Variants in FILIP1L observed in about 807,000 individuals in gnomAD.
FILIP1L encodes filamin A-interacting protein 1-like.
FILIP1L carries 55 observed loss-of-function variants against 96.6 expected under a neutral mutation model. That is an observed-to-expected ratio of 0.57 (90% confidence interval 0.46 to 0.71). The LOEUF (loss-of-function observed/expected upper bound fraction) is 0.71, where lower values mean the gene tolerates loss of function less well. FILIP1L is among the 30% of genes least tolerant of loss of function. FILIP1L has a pLI of 0.00. For missense variants in FILIP1L, 1,304 were observed against 1,321.2 expected (o/e 0.99, Z 0.20); for synonymous variants, 467 against 473.9 (o/e 0.99, Z 0.19).
chr3:99,957,693 C>CTTTCTTTTTTTTTTTTTT (rs1708364770), intron 1 of FILIP1L, among the ~76,000 whole-genome samples: 1 of 19,902 alleles, frequency 5.0e-5, no homozygotes, highest in East Asian at 8.8e-4. Context: ...TTCTTTCTTT[C>CTTTCTTTTTTTTTTTTTT]TTTTTTTTTT....
At chr3:99,985,650 A>G (rs1444925021) in intron 1 of FILIP1L, among the ~76,000 whole-genome samples, 2 of 151,410 alleles carry the variant, frequency 1.3e-5, no homozygotes, top group Non-Finnish European at 2.9e-5. Context: ...GTGCAATGGC[A>G]TGATCTCGGC....
intron 1 of FILIP1L, among the ~76,000 whole-genome samples, chr3:100,009,204 T>A (rs1352809407): frequency 6.6e-6 from 1 of 152,170 alleles, no homozygotes. Flanking sequence ...TTGCCTCCTG[T>A]TTGAAGAAAT....
chr3:99,917,732 T>C (rs891255912), intron 4 of FILIP1L, among the ~76,000 whole-genome samples: 2 of 152,174 alleles, frequency 1.3e-5, no homozygotes, highest in African/African-American at 4.8e-5. Flanking sequence ...GTTTCAAATA[T>C]GTGGAAGCAG....
At chr3:100,000,774 T>TTGG (rs777917047) in intron 1 of FILIP1L, among the ~76,000 whole-genome samples, 9 of 152,240 alleles carry the variant, frequency 5.9e-5, no homozygotes, top group Non-Finnish European at 7.3e-5. Flanking sequence ...TGTTTACAGT[T>TTGG]TGGTGTTTAT....
intron 1 of FILIP1L, among the ~76,000 whole-genome samples, chr3:100,019,563 G>T (rs2064768787): frequency 6.6e-6 from 1 of 151,972 alleles, no homozygotes; most frequent in Non-Finnish European, 1.5e-5. Context: ...ACGTAAAATT[G>T]TTCTATTTTA....
chr3:100,105,975 A>C (rs2107466499), intron 1 of FILIP1L, among the ~76,000 whole-genome samples: 1 of 152,294 alleles, frequency 6.6e-6, no homozygotes, highest in Admixed American at 6.5e-5. Context: ...GCTTCTCACC[A>C]TCAGATGGTG....
chr3:99,876,418 TGTCGGGCTAACAAA>T (rs2107595700), intron 4 of FILIP1L, among the ~76,000 whole-genome samples: 1 of 152,210 alleles, frequency 6.6e-6, no homozygotes, highest in South Asian at 2.1e-4. Flanking sequence ...GGCGCCCTCC[TGTCGGGCTAACAAA>T]GTCATTGGGA....
chr3:99,934,903 G>A (rs1010255854), intron 1 of FILIP1L, among the ~76,000 whole-genome samples: 2 of 152,100 alleles, frequency 1.3e-5, no homozygotes, highest in Non-Finnish European at 2.9e-5. Flanking sequence ...TGGAGGCTGG[G>A]GATAGTAGCA....
intron 4 of FILIP1L, chr3:99,876,284 C>T: frequency 2.2e-6 from 2 of 903,804 alleles, no homozygotes; most frequent in East Asian, 1.2e-4. Context: ...CCGCGGGACC[C>T]TCGGCCGCGG....
chr3:99,879,890 AGGTAT>A (rs752184138), intron 4 of FILIP1L, among the ~76,000 whole-genome samples: 256 of 152,134 alleles, frequency 1.7e-3, no homozygotes, highest in Middle Eastern at 3.4e-3. Context: ...GCATAGGGAG[AGGTAT>A]AGTTCCATGG....
chr3:99,994,986 C>A (rs1286197461), intron 1 of FILIP1L, among the ~76,000 whole-genome samples: 1 of 152,082 alleles, frequency 6.6e-6, no homozygotes, highest in Non-Finnish European at 1.5e-5. Flanking sequence ...ATCATTCCAC[C>A]CCTGGCCCCT....
intron 1 of FILIP1L, among the ~76,000 whole-genome samples, chr3:100,014,777 C>A (rs567704873): frequency 4.0e-4 from 57 of 143,772 alleles, no homozygotes; most frequent in Non-Finnish European, 7.8e-4. Context: ...TGTTTTCTCT[C>A]ATTCCATAGG....
chr3:100,014,891 C>CTTTTTTTTTTTTTTTTTTTTTTTTTTTTT (rs1710284139), intron 1 of FILIP1L, among the ~76,000 whole-genome samples: 4 of 27,224 alleles, frequency 1.5e-4, no homozygotes, highest in East Asian at 9.8e-4. Flanking sequence ...TTTTTTCTTT[C>CTTTTTTTTTTTTTTTTTTTTTTTTTTTTT]TTTCTTTTTT....
intron 1 of FILIP1L, among the ~76,000 whole-genome samples, chr3:100,077,596 A>G (rs993398509): frequency 6.6e-6 from 1 of 152,206 alleles, no homozygotes; most frequent in African/African-American, 2.4e-5. Flanking sequence ...TAACATAGTA[A>G]AACAGTACAG....
At chr3:99,994,945 T>G (rs1206002548) in intron 1 of FILIP1L, among the ~76,000 whole-genome samples, 1 of 152,124 alleles carries the variant, frequency 6.6e-6, no homozygotes, top group Admixed American at 6.5e-5. Context: ...CAATTCAAGT[T>G]GAGATTTGGG....
At chr3:99,931,365 G>A (rs1188914965) in intron 1 of FILIP1L, among the ~76,000 whole-genome samples, 1 of 151,588 alleles carries the variant, frequency 6.6e-6, no homozygotes, top group East Asian at 1.9e-4. Flanking sequence ...CTAAGTGCTT[G>A]CTTAAGACGT....
At chr3:99,965,421 T>G (rs1420078120) in intron 1 of FILIP1L, among the ~76,000 whole-genome samples, 2 of 152,226 alleles carry the variant, frequency 1.3e-5, no homozygotes, top group Admixed American at 1.3e-4. Flanking sequence ...ACTCTGTGGA[T>G]GTACCAGCAT....
At chr3:100,109,857 G>A (rs1056557454) in intron 1 of FILIP1L, 7 of 151,618 alleles carry the variant, frequency 4.6e-5, no homozygotes, top group African/African-American at 1.2e-4. Context: ...ATCATTGAAG[G>A]AAGAGATAGG....
At chr3:99,977,154 G>A (rs756716195) in intron 1 of FILIP1L, among the ~76,000 whole-genome samples, 1 of 152,212 alleles carries the variant, frequency 6.6e-6, no homozygotes, top group East Asian at 1.9e-4. Context: ...AACCTGGCAT[G>A]TACTGTACAC....
Sources: gnomAD v4.1 joint callset for allele counts (sites outside exome capture counted in the v4.1 genomes callset) on GRCh38, gnomAD v4.1.1 for gene constraint, MANE v1.5 for transcripts, NCBI Gene and HGNC (gene_info 2026-07-23, HGNC 2026-07-21) for gene names.